The following CNTN5 variants were observed in gnomAD, a reference collection of about 807,000 sequenced individuals.
CNTN5 encodes the protein contactin-5.
CNTN5 carries 77 observed loss-of-function variants against 129.1 expected under a neutral mutation model. The observed-to-expected ratio is 0.60, with a 90% CI of 0.50 to 0.72. The LOEUF is 0.72. Ranked by LOEUF, CNTN5 falls within the 30% of genes least tolerant of loss-of-function variation. The pLI is 0.00. For synonymous variants in CNTN5, 509 were observed against 465.6 expected (o/e 1.09, Z -1.20); for missense variants, 1,478 against 1,328.8 (o/e 1.11, Z -1.75).
At chr11:99,574,273 T>C (rs774969707) in intron 3 of CNTN5, among the ~76,000 whole-genome samples, 32 of 152,204 alleles carry the variant, frequency 2.1e-4, no homozygotes, top group Non-Finnish European at 4.1e-4. Flanking sequence ...CCATGGTGTA[T>C]ATTTGTGCCA....
chr11:99,127,289 G>C (rs1234835653), intron 1 of CNTN5, among the ~76,000 whole-genome samples: 1 of 151,998 alleles, frequency 6.6e-6, no homozygotes, highest in African/African-American at 2.4e-5. Context: ...TTTTGTGTCT[G>C]TCTTCAATGT....
At chr11:100,200,661 A>AC (rs1948755827) in intron 15 of CNTN5, among the ~76,000 whole-genome samples, 1 of 150,256 alleles carries the variant, frequency 6.7e-6, no homozygotes, top group Non-Finnish European at 1.5e-5. Flanking sequence ...TTAGATCAAT[A>AC]CCTTGGATTC....
intron 13 of CNTN5, among the ~76,000 whole-genome samples, chr11:100,187,585 A>G (rs57075330): frequency 0.024 from 3,599 of 152,256 alleles, 130 homozygotes; most frequent in African/African-American, 0.081. Flanking sequence ...TGGTACTAGT[A>G]CAAAGACAGA....
At chr11:99,903,354 C>G (rs61911644) in intron 6 of CNTN5, among the ~76,000 whole-genome samples, 147,310 of 151,864 alleles carry the variant, frequency 0.97, 71,530 homozygotes, top group Non-Finnish European at 0.99. Flanking sequence ...CATAACCAAA[C>G]TAAAAATTCA....
At chr11:99,584,622 T>G (rs1949730484) in intron 3 of CNTN5, among the ~76,000 whole-genome samples, 1 of 152,168 alleles carries the variant, frequency 6.6e-6, no homozygotes, top group African/African-American at 2.4e-5. Flanking sequence ...ATATTAATAT[T>G]ATTAAATAAA....
At chr11:100,048,884 G>A (rs1942819668) in intron 9 of CNTN5, among the ~76,000 whole-genome samples, 1 of 151,824 alleles carries the variant, frequency 6.6e-6, no homozygotes, top group South Asian at 2.1e-4. Flanking sequence ...AATGTGGGAA[G>A]ATACAACATA....
At chr11:99,273,197 C>T (rs1471948286) in intron 1 of CNTN5, among the ~76,000 whole-genome samples, 2 of 151,758 alleles carry the variant, frequency 1.3e-5, no homozygotes, top group Admixed American at 6.6e-5. Context: ...GGGACATATG[C>T]ACCAATTCTT....
At chr11:99,880,039 G>A (rs998794778) in intron 6 of CNTN5, among the ~76,000 whole-genome samples, 6 of 152,152 alleles carry the variant, frequency 3.9e-5, no homozygotes, top group Non-Finnish European at 8.8e-5. Flanking sequence ...TAGCCAACCA[G>A]GTTTTTCTCC....
intron 3 of CNTN5, among the ~76,000 whole-genome samples, chr11:99,611,695 G>A (rs1216130644): frequency 2.0e-5 from 3 of 152,122 alleles, no homozygotes; most frequent in Admixed American, 6.6e-5. Context: ...AAAGGTGGAT[G>A]GAGGAATACA....
chr11:100,000,112 C>T (rs1254033144), intron 8 of CNTN5, among the ~76,000 whole-genome samples: 1 of 151,742 alleles, frequency 6.6e-6, no homozygotes, highest in African/African-American at 2.4e-5. Flanking sequence ...ACATATGTAA[C>T]TAACCTGCAC....
intron 6 of CNTN5, among the ~76,000 whole-genome samples, chr11:99,915,429 C>A (rs574810905): frequency 4.6e-5 from 7 of 152,056 alleles, no homozygotes; most frequent in Non-Finnish European, 8.8e-5. Flanking sequence ...GTGAATATTT[C>A]GTTAACTAAT....
intron 9 of CNTN5, among the ~76,000 whole-genome samples, chr11:100,039,049 G>A (rs980208035): frequency 2.0e-5 from 3 of 152,204 alleles, no homozygotes; most frequent in African/African-American, 4.8e-5. Context: ...AGTTGATGCA[G>A]TTTCTTCCTA....
chr11:99,947,750 G>T (rs1565708888), intron 7 of CNTN5, among the ~76,000 whole-genome samples: 1 of 151,950 alleles, frequency 6.6e-6, no homozygotes, highest in Non-Finnish European at 1.5e-5. Context: ...ACCTATAAGG[G>T]GGACAATTTA....
chr11:99,890,464 C>A (rs1949028610), intron 6 of CNTN5, among the ~76,000 whole-genome samples: 1 of 151,106 alleles, frequency 6.6e-6, no homozygotes, highest in Non-Finnish European at 1.5e-5. Flanking sequence ...AAGATATATT[C>A]AATGTTGAAT....
intron 3 of CNTN5, among the ~76,000 whole-genome samples, chr11:99,610,598 G>A (rs1409068363): frequency 6.6e-6 from 1 of 152,146 alleles, no homozygotes; most frequent in African/African-American, 2.4e-5. Context: ...TAATTATCAG[G>A]TGAAAGCAAA....
intron 3 of CNTN5, among the ~76,000 whole-genome samples, chr11:99,562,858 T>C (rs537453352): frequency 1.3e-5 from 2 of 152,290 alleles, no homozygotes; most frequent in East Asian, 3.9e-4. Flanking sequence ...ATGTACATGT[T>C]GAGCTTTAGA....
chr11:99,737,829 C>T (rs1219260331), intron 3 of CNTN5, among the ~76,000 whole-genome samples: 1 of 151,862 alleles, frequency 6.6e-6, no homozygotes, highest in Non-Finnish European at 1.5e-5. Flanking sequence ...AGTGTTTTAC[C>T]AATCAGAAGA....
intron 1 of CNTN5, among the ~76,000 whole-genome samples, chr11:99,324,987 T>C (rs1385094515): frequency 6.6e-6 from 1 of 152,066 alleles, no homozygotes; most frequent in Non-Finnish European, 1.5e-5. Flanking sequence ...TTGCATATGC[T>C]AGGAATAGCA....
In CNTN5 at chr11:99,164,277, C is replaced by G. The variant is rs545642051; in HGVS notation, c.-210+143007C>G. ...GGCAGAGGTTGTAGTGAGCCGAGAT[C>G]GCGCCACTATACTCCAGCCTGGGCA... On this transcript the variant is annotated intron_variant, in intron 1 of 24. Transcript: ENST00000524871. 3.4e-5 allele frequency among the ~76,000 whole-genome samples: 5 copies of G among 146,972 alleles called. No homozygotes were observed. The South Asian group carries it at 1.1e-3, about 32-fold the overall frequency.
Sources: gnomAD v4.1 joint callset for allele counts (sites outside exome capture counted in the v4.1 genomes callset) on GRCh38, gnomAD v4.1.1 for gene constraint, MANE v1.5 for transcripts, NCBI Gene and HGNC (gene_info 2026-07-23, HGNC 2026-07-21) for gene names.